The following PRSS12 variants were observed in gnomAD, a reference collection of about 807,000 sequenced individuals.
PRSS12 encodes the protein neurotrypsin.
PRSS12 carries 85 observed loss-of-function variants against 104.4 expected under a neutral mutation model. That is an observed-to-expected ratio of 0.81 (90% confidence interval 0.68 to 0.98). The LOEUF is 0.98. Among genes scored for constraint, PRSS12 ranks in the 50% least tolerant of loss-of-function variants. The pLI is 0.00. For synonymous variants in PRSS12, 454 were observed against 425.2 expected, an observed-to-expected ratio of 1.07 and a Z score of -0.83; for missense variants, 1,141 against 1,139.2, an observed-to-expected ratio of 1.00 and a Z score of -0.02.
intron 5 of PRSS12, among the ~76,000 whole-genome samples, chr4:118,317,881 C>A (rs1261509993): frequency 6.6e-6 from 1 of 152,134 alleles, no homozygotes. Context: ...TCACATATGC[C>A]CTTCTTACAA....
At chr4:118,290,677 G>A (rs1012910593) in intron 11 of PRSS12, among the ~76,000 whole-genome samples, 3 of 151,918 alleles carry the variant, frequency 2.0e-5, no homozygotes, top group East Asian at 1.9e-4. Flanking sequence ...GTAAAATGAC[G>A]TAACCTGAGA....
chr4:118,352,156 G>A (rs1043315744), intron 1 of PRSS12, 63 bp downstream of exon 1: 2 of 1,596,724 alleles, frequency 1.3e-6, no homozygotes, highest in Admixed American at 1.7e-5. Context: ...CTGTACGCCG[G>A]CCCCAAGCCT....
At position 118,352,487 on chromosome 4, in the gene PRSS12, G is replaced by A; in HGVS notation, c.234C>T (p.His78=). 3 of 1,377,106 alleles carry A rather than the reference G, an allele frequency of 2.2e-6. No homozygotes were observed. The highest frequency in any genetic ancestry group is 2.8e-6 in the Non-Finnish European group (3 of 1,071,348). The allele number at this position is 1,377,106 out of a possible 1,614,324, so 85.3% of individuals were successfully genotyped here. A position where few individuals can be genotyped will look rare whatever the true frequency, so the allele number is the denominator to read the frequency against. The change falls in exon 1 of 13, where the codon CAC becomes CAT. Residue 78 remains histidine, a synonymous_variant. Coordinates refer to ENST00000296498, the MANE Select transcript of PRSS12 (RefSeq NM_003619.4). ...PPRALPAQRP[H]ALQAGHTPRP... is the part of the protein sequence containing the mutation. ...GGGGCGTGTGCCCGGCCTGGAGGGC[G>A]TGCGGGCGCTGGGCAGGGAGCGCCC...
chr4:118,284,659 T>A (rs906601653), intron 11 of PRSS12, among the ~76,000 whole-genome samples: 1 of 152,190 alleles, frequency 6.6e-6, no homozygotes, highest in Non-Finnish European at 1.5e-5. Context: ...TTGGCCCTAC[T>A]ATTTTTTCAT....
At chr4:118,344,978 A>C (rs1724321414) in intron 1 of PRSS12, among the ~76,000 whole-genome samples, 1 of 152,148 alleles carries the variant, frequency 6.6e-6, no homozygotes, top group Non-Finnish European at 1.5e-5. Flanking sequence ...ACCAAACAAT[A>C]ATCTTCTTGT....
intron 6 of PRSS12, 47 bp downstream of exon 6, chr4:118,316,135 A>T (rs757132147): frequency 6.2e-7 from 1 of 1,604,066 alleles, no homozygotes; most frequent in Non-Finnish European, 8.5e-7. Context: ...AAGACTTTTA[A>T]CAATATAATC....
In PRSS12 at chr4:118,332,951, C is replaced by T. The variant is rs763906769; in HGVS notation, c.821-1085G>A. Among the ~76,000 whole-genome samples the T allele has an allele frequency of 3.6e-4, 55 of 152,022 alleles. 1 individual carries two copies. Among genetic ancestry groups the T allele is most frequent in the Non-Finnish European group, 6.5e-4 (44 of 68,016 alleles). On this transcript the variant is annotated intron_variant, in intron 3 of 12. Transcript: ENST00000296498. Reference sequence around the variant, plus strand: ...CCTCAGGAAGTTTACTGCCTAAGGGCGTCGATAAAAGGAGTACAGACAAGA... The same window carrying T: ...CCTCAGGAAGTTTACTGCCTAAGGGTGTCGATAAAAGGAGTACAGACAAGA...
chr4:118,285,700 G>T (rs2126025889), intron 11 of PRSS12, among the ~76,000 whole-genome samples: 2 of 152,086 alleles, frequency 1.3e-5, no homozygotes, highest in Middle Eastern at 6.8e-3. Context: ...TAGATAATAA[G>T]AATATTAAAT....
At chr4:118,286,198 T>C (rs1487848127) in intron 11 of PRSS12, among the ~76,000 whole-genome samples, 1 of 152,180 alleles carries the variant, frequency 6.6e-6, no homozygotes. Context: ...TAACTCCTTC[T>C]GAGTACCCTT....
At chr4:118,349,361 G>A (rs1398083352) in intron 1 of PRSS12, among the ~76,000 whole-genome samples, 5 of 150,356 alleles carry the variant, frequency 3.3e-5, no homozygotes, top group East Asian at 4.0e-4. Context: ...CTGAGATTGC[G>A]CCACTGCGCT....
chr4:118,300,751 A>G (rs1743386680), intron 8 of PRSS12, among the ~76,000 whole-genome samples: 1 of 152,188 alleles, frequency 6.6e-6, no homozygotes, highest in Non-Finnish European at 1.5e-5. Flanking sequence ...TTCTAGAAAT[A>G]TATTTGTTGG....
chr4:118,313,608 G>A (rs958576679), intron 6 of PRSS12, among the ~76,000 whole-genome samples: 4 of 152,082 alleles, frequency 2.6e-5, no homozygotes, highest in South Asian at 4.1e-4. Flanking sequence ...TTATTTCAAC[G>A]AATAACAAAT....
intron 1 of PRSS12, among the ~76,000 whole-genome samples, chr4:118,348,540 C>G (rs1476568085): frequency 6.6e-6 from 1 of 152,164 alleles, no homozygotes; most frequent in Non-Finnish European, 1.5e-5. Context: ...TTACTCAGAG[C>G]CTGGGCTACA....
At chr4:118,317,074 T>A (rs1204234154) in intron 5 of PRSS12, among the ~76,000 whole-genome samples, 2 of 151,676 alleles carry the variant, frequency 1.3e-5, no homozygotes, top group African/African-American at 4.8e-5. Flanking sequence ...AAAAAAATAC[T>A]GAAATAGGAT....
intron 3 of PRSS12, 37 bp from the exon 4 acceptor site, chr4:118,331,903 G>A: frequency 6.2e-7 from 1 of 1,611,854 alleles, no homozygotes; most frequent in Non-Finnish European, 8.5e-7. Flanking sequence ...CAAAACCTAT[G>A]CATTTACATT....
At chr4:118,316,746 C>G in intron 5 of PRSS12, among the ~76,000 whole-genome samples, 1 of 150,016 alleles carries the variant, frequency 6.7e-6, no homozygotes, top group Non-Finnish European at 1.5e-5. Flanking sequence ...CGCTTCAGCC[C>G]AGGAGGCAGA....
intron 11 of PRSS12, among the ~76,000 whole-genome samples, chr4:118,291,616 T>C (rs1480059993): frequency 6.6e-6 from 1 of 152,100 alleles, no homozygotes; most frequent in Non-Finnish European, 1.5e-5. Context: ...TAGAGCACCA[T>C]GTCCTTTTCT....
chr4:118,331,821 T>C lies in PRSS12; in HGVS notation c.866A>G (p.His289Arg), dbSNP rs902388911. 4 of 1,614,056 alleles carry C rather than the reference T, an allele frequency of 2.5e-6. No homozygotes were observed. The highest frequency in any genetic ancestry group is 1.3e-5 in the African/African-American group (1 of 74,926). ...IIRLAGGSSV[H>R]EGRVELYHAG... ...ATGGTAGAGCTCCACCCGGCCTTCA[T>C]GCACACTGCTGCCTCCAGCAAGGCG... The change falls in exon 4 of 13, where the codon CAT (histidine) becomes CGT (arginine). Residue 289 changes from histidine (H) to arginine (R), a missense_variant. Transcript: ENST00000296498.
chr4:118,324,940 A>G (rs998012500), intron 4 of PRSS12, among the ~76,000 whole-genome samples: 2 of 151,976 alleles, frequency 1.3e-5, no homozygotes, highest in African/African-American at 2.4e-5. Context: ...CGAACTCCTG[A>G]CATTGTGATC....
Sources: allele counts gnomAD v4.1 joint callset (sites outside exome capture counted in the v4.1 genomes callset), GRCh38; gene constraint gnomAD v4.1.1; transcripts MANE v1.5; gene names NCBI Gene and HGNC (gene_info 2026-07-23, HGNC 2026-07-21).